Variants in AGBL4 observed in about 807,000 individuals in gnomAD.
The protein encoded by AGBL4 is cytosolic carboxypeptidase 6.
A neutral mutation model predicts 66.4 loss-of-function variants in AGBL4; 58 were observed. The observed-to-expected ratio is 0.87, with a 90% CI of 0.71 to 1.09. The LOEUF (loss-of-function observed/expected upper bound fraction) is 1.09. Ranked by LOEUF, AGBL4 falls within the 50% of genes least tolerant of loss-of-function variation. The pLI, the probability that AGBL4 is intolerant of heterozygous loss-of-function variation, is 0.00. For missense variants in AGBL4, 579 were observed against 631.0 expected, an observed-to-expected ratio of 0.92 and a Z score of 0.88; for synonymous variants, 234 against 222.9, an observed-to-expected ratio of 1.05 and a Z score of -0.44.
intron 6 of AGBL4, among the ~76,000 whole-genome samples, chr1:48,743,295 T>C (rs2148600208): frequency 1.3e-5 from 2 of 152,264 alleles, no homozygotes; most frequent in Middle Eastern, 6.8e-3. Flanking sequence ...ACAATACACA[T>C]TAAGCCCCTG....
chr1:50,022,070 C>G (rs1488069071), intron 1 of AGBL4, among the ~76,000 whole-genome samples: 1 of 152,062 alleles, frequency 6.6e-6, no homozygotes, highest in Admixed American at 6.6e-5. Flanking sequence ...TTTCAATTAT[C>G]CAATCCCTAT....
chr1:49,677,558 T>G (rs1294957311), intron 3 of AGBL4, among the ~76,000 whole-genome samples: 2 of 152,132 alleles, frequency 1.3e-5, no homozygotes, highest in Non-Finnish European at 1.5e-5. Flanking sequence ...CTTTTTAACT[T>G]GCACTCTCTT....
chr1:49,052,007 C>T (rs189396640), intron 4 of AGBL4, among the ~76,000 whole-genome samples: 3 of 151,676 alleles, frequency 2.0e-5, no homozygotes, highest in Admixed American at 2.0e-4. Flanking sequence ...AGACATTGCT[C>T]GATTCTTGAA....
At chr1:49,439,388 T>G (rs1645974963) in intron 3 of AGBL4, among the ~76,000 whole-genome samples, 1 of 152,228 alleles carries the variant, frequency 6.6e-6, no homozygotes, top group Non-Finnish European at 1.5e-5. Flanking sequence ...ACCAGAAATC[T>G]GAGCTGTGAA....
rs188642287 is a variant in AGBL4, at chr1:49,766,385, C to T, written c.158-68948G>A. ...ATAAAAATTTTTATAGATGAGAAAT[C>T]ACTAAGGGAATTCATTACCACTAGA... is the stretch of plus-strand genomic sequence containing the variant. On this transcript the variant is annotated intron_variant, in intron 2 of 13. Transcript: ENST00000371839. 1.2e-4 allele frequency among the ~76,000 whole-genome samples: 18 copies of T among 152,130 alleles called. No homozygotes were observed. In the East Asian group the frequency reaches 3.5e-3, roughly 29 times the overall value.
intron 6 of AGBL4, among the ~76,000 whole-genome samples, chr1:48,802,027 G>A (rs1159634402): frequency 6.6e-6 from 1 of 151,954 alleles, no homozygotes; most frequent in Non-Finnish European, 1.5e-5. Flanking sequence ...AGCACAAAAT[G>A]AGCTATGTTA....
At chr1:48,931,665 G>A (rs894367099) in intron 5 of AGBL4, among the ~76,000 whole-genome samples, 8 of 152,066 alleles carry the variant, frequency 5.3e-5, no homozygotes, top group African/African-American at 1.2e-4. Flanking sequence ...AACTAAAGGC[G>A]TGTGCCACCA....
intron 5 of AGBL4, among the ~76,000 whole-genome samples, chr1:48,977,840 T>C (rs556521610): frequency 3.3e-5 from 5 of 152,310 alleles, no homozygotes; most frequent in Middle Eastern, 6.8e-3. Flanking sequence ...TTAGTGCATC[T>C]GTGCCCAATA....
At chr1:48,605,910 C>A (rs1321504895) in intron 9 of AGBL4, among the ~76,000 whole-genome samples, 1 of 152,032 alleles carries the variant, frequency 6.6e-6, no homozygotes, top group Non-Finnish European at 1.5e-5. Context: ...GCTATTGGAA[C>A]AAAAATAAAG....
intron 1 of AGBL4, among the ~76,000 whole-genome samples, chr1:49,960,159 G>A (rs189121648): frequency 3.3e-4 from 50 of 151,936 alleles, no homozygotes; most frequent in African/African-American, 1.2e-3. Context: ...ATGTACCCCT[G>A]AACCTAAAAT....
At chr1:48,913,687 G>A (rs1255696844) in intron 5 of AGBL4, among the ~76,000 whole-genome samples, 1 of 152,180 alleles carries the variant, frequency 6.6e-6, no homozygotes, top group African/African-American at 2.4e-5. Flanking sequence ...ATTATGGTAA[G>A]TTGTATACTT....
At chr1:49,785,175 A>G (rs1411111021) in intron 2 of AGBL4, among the ~76,000 whole-genome samples, 1 of 152,008 alleles carries the variant, frequency 6.6e-6, no homozygotes, top group African/African-American at 2.4e-5. Context: ...GCTGGGGATG[A>G]GTGGGAAGGT....
chr1:49,248,690 AGTT>A (rs1201799536), intron 3 of AGBL4, among the ~76,000 whole-genome samples: 5 of 152,004 alleles, frequency 3.3e-5, no homozygotes, highest in Admixed American at 2.0e-4. Flanking sequence ...ATCCTACCAC[AGTT>A]GTTGTAAGAA....
chr1:49,744,888 C>T (rs1173588639), intron 2 of AGBL4, among the ~76,000 whole-genome samples: 1 of 151,850 alleles, frequency 6.6e-6, no homozygotes, highest in African/African-American at 2.4e-5. Flanking sequence ...GGTTAATCCT[C>T]AGAGCTAACA....
chr1:49,945,352 A>G (rs975928971), intron 1 of AGBL4, among the ~76,000 whole-genome samples: 1 of 152,134 alleles, frequency 6.6e-6, no homozygotes, highest in Non-Finnish European at 1.5e-5. Context: ...AACCTATCAA[A>G]TTAACAGCAG....
intron 5 of AGBL4, among the ~76,000 whole-genome samples, chr1:48,941,312 G>C (rs1655955279): frequency 6.6e-6 from 1 of 152,206 alleles, no homozygotes; most frequent in South Asian, 2.1e-4. Context: ...AGCATAACAA[G>C]AAGGGCACTT....
chr1:49,375,737 G>A (rs1644459382), intron 3 of AGBL4, among the ~76,000 whole-genome samples: 1 of 152,086 alleles, frequency 6.6e-6, no homozygotes, highest in African/African-American at 2.4e-5. Flanking sequence ...ATTATCAGAA[G>A]AAAGGTAGCT....
At chr1:48,936,493 T>C (rs542203332) in intron 5 of AGBL4, among the ~76,000 whole-genome samples, 10 of 152,260 alleles carry the variant, frequency 6.6e-5, no homozygotes, top group East Asian at 5.8e-4. Flanking sequence ...TACTGTTTGA[T>C]TGGCAACTGC....
intron 3 of AGBL4, among the ~76,000 whole-genome samples, chr1:49,280,685 A>G (rs984794336): frequency 6.6e-6 from 1 of 152,246 alleles, no homozygotes; most frequent in Non-Finnish European, 1.5e-5. Context: ...GGTCAAGGTG[A>G]AAAAGGCAGC....
Sources: allele counts gnomAD v4.1 joint callset (sites outside exome capture counted in the v4.1 genomes callset), GRCh38; gene constraint gnomAD v4.1.1; transcripts MANE v1.5; gene names NCBI Gene and HGNC (gene_info 2026-07-23, HGNC 2026-07-21).